Variants in PTPRE observed in about 807,000 individuals in gnomAD.
PTPRE encodes protein tyrosine phosphatase receptor type E.
PTPRE carries 51 observed loss-of-function variants against 102.0 expected under a neutral mutation model. The ratio of observed to expected loss-of-function variants is 0.50; its 90% CI spans 0.40 to 0.63. The LOEUF (loss-of-function observed/expected upper bound fraction) is 0.63. PTPRE is among the 30% of genes least tolerant of loss of function. The pLI, the probability that PTPRE is intolerant of heterozygous loss-of-function variation, is 0.00. For synonymous variants in PTPRE, 345 were observed against 348.2 expected (o/e 0.99, Z 0.10); for missense variants, 752 against 915.1 (o/e 0.82, Z 2.30).
At chr10:128,081,708 C>T (rs868491773) in intron 20 of PTPRE, among the ~76,000 whole-genome samples, 1 of 152,200 alleles carries the variant, frequency 6.6e-6, no homozygotes, top group African/African-American at 2.4e-5. Context: ...TGATCAGCTG[C>T]GTGTCTTAGT....
intron 17 of PTPRE, among the ~76,000 whole-genome samples, chr10:128,075,661 A>G (rs1389136772): frequency 1.3e-5 from 2 of 152,242 alleles, no homozygotes; most frequent in Non-Finnish European, 1.5e-5. Flanking sequence ...AAGAGATATC[A>G]TTCATCTACA....
chr10:128,058,658 C>G (rs1343745509), intron 7 of PTPRE, among the ~76,000 whole-genome samples: 1 of 152,176 alleles, frequency 6.6e-6, no homozygotes, highest in Non-Finnish European at 1.5e-5. Flanking sequence ...AGGGCTGCTC[C>G]ACCCGCCCCC....
chr10:128,070,312 G>T lies in PTPRE; in HGVS notation c.1155G>T (p.Thr385=). Residue 385 remains threonine, a synonymous_variant, in exon 14 of 21, where the codon ACG becomes ACT. Coordinates refer to ENST00000254667, the MANE Select transcript of PTPRE (RefSeq NM_006504.6). The surrounding 1 kb of genome is among the most constrained non-coding windows in gnomAD (Gnocchi z 4.8). ...PQMVQTDMQY[T]FIYQALLEYY... ...TGGCCTCTCTGCAGATGCAGTACAC[G>T]TTCATCTACCAAGCCTTACTCGAGT... The T allele has an allele frequency of 6.2e-7, 1 of 1,611,434 alleles. No individual in the cohort carries two copies. Among genetic ancestry groups the T allele is most frequent in the Non-Finnish European group, 8.5e-7 (1 of 1,178,800 alleles).
intron 1 of PTPRE, among the ~76,000 whole-genome samples, chr10:127,975,588 A>T (rs1851089694): frequency 6.6e-6 from 1 of 152,150 alleles, no homozygotes; most frequent in South Asian, 2.1e-4. Flanking sequence ...GGTGAAAGGC[A>T]GGTGTGTTTC....
intron 1 of PTPRE, among the ~76,000 whole-genome samples, chr10:127,967,046 A>T (rs1243874672): frequency 6.6e-6 from 1 of 152,238 alleles, no homozygotes; most frequent in Non-Finnish European, 1.5e-5. Context: ...GGGCAAAGTC[A>T]GGCCAACCGT....
chr10:127,957,262 C>T (rs1231190954), intron 1 of PTPRE, among the ~76,000 whole-genome samples: 3 of 152,070 alleles, frequency 2.0e-5, no homozygotes, highest in Non-Finnish European at 4.4e-5. Context: ...GGGTATAAAG[C>T]CTGTGTGTAG....
At chr10:128,052,314 T>C (rs1430911335) in intron 6 of PTPRE, among the ~76,000 whole-genome samples, 1 of 152,212 alleles carries the variant, frequency 6.6e-6, no homozygotes, top group African/African-American at 2.4e-5. Context: ...AGTTGAGTTT[T>C]GACATGTGTG....
chr10:128,040,890 C>T lies in PTPRE; in HGVS notation c.9C>T (p.Pro3=). The change falls in exon 3 of 21, where the codon CCC becomes CCT. Residue 3 remains proline (P), a synonymous_variant. Coordinates refer to ENST00000254667, the MANE Select transcript of PTPRE (RefSeq NM_006504.6). Reference sequence around the variant, plus strand: ...CTCTCTGCAGGTCCACCATGGAGCCCTTGTGTCCACTCCTGCTGGTGGGTT... The same window carrying T: ...CTCTCTGCAGGTCCACCATGGAGCCTTTGTGTCCACTCCTGCTGGTGGGTT... ME[P]LCPLLLVGFS... 6.2e-7 allele frequency: 1 copy of T among 1,613,988 alleles called. No homozygotes were observed. Among genetic ancestry groups the T allele is most frequent in the Non-Finnish European group, 8.5e-7 (1 of 1,179,948 alleles).
intron 1 of PTPRE, among the ~76,000 whole-genome samples, chr10:127,924,381 G>A (rs1006956108): frequency 2.0e-5 from 3 of 152,016 alleles, no homozygotes; most frequent in Admixed American, 6.6e-5. Context: ...GCCCACCACC[G>A]TGCCTGGCTA....
At chr10:127,979,580 G>A (rs958837433) in intron 1 of PTPRE, among the ~76,000 whole-genome samples, 3 of 152,220 alleles carry the variant, frequency 2.0e-5, no homozygotes, top group Non-Finnish European at 4.4e-5. Flanking sequence ...GGGAGGCTGA[G>A]GCAAGAGGAC....
intron 1 of PTPRE, among the ~76,000 whole-genome samples, chr10:127,927,518 C>T (rs1847118616): frequency 6.6e-6 from 1 of 152,168 alleles, no homozygotes; most frequent in Admixed American, 6.5e-5. Context: ...CTAAGTTGTT[C>T]AGGGCCATGT....
At chr10:128,016,446 C>T (rs1778507661) in intron 2 of PTPRE, among the ~76,000 whole-genome samples, 1 of 150,844 alleles carries the variant, frequency 6.6e-6, no homozygotes, top group African/African-American at 2.4e-5. Flanking sequence ...AAAAGCATGT[C>T]TATTTTTTTA....
intron 2 of PTPRE, among the ~76,000 whole-genome samples, chr10:127,994,458 G>A (rs1853044950): frequency 1.3e-5 from 2 of 152,200 alleles, no homozygotes; most frequent in South Asian, 2.1e-4. Context: ...CCGCAAGAAC[G>A]CAGGCCCCAT....
In PTPRE at chr10:128,070,515, G is replaced by A; in HGVS notation, c.1293+65G>A. ...AGCCAAGGGCACGAGGAAAACAGGTGACCATTTAAAGGAAGCCTCTTTCAA... is the reference window on the plus strand; with the variant it reads ...AGCCAAGGGCACGAGGAAAACAGGTAACCATTTAAAGGAAGCCTCTTTCAA... On this transcript the variant is annotated intron_variant, in intron 14 of 20. Transcript: ENST00000254667. The surrounding 1 kb of genome is among the most constrained non-coding windows in gnomAD (Gnocchi z 4.8). 1 of 1,558,816 alleles carries A rather than the reference G, an allele frequency of 6.4e-7. No individual in the cohort carries two copies. The highest frequency in any genetic ancestry group is 8.7e-7 in the Non-Finnish European group (1 of 1,152,306).
At chr10:128,041,659 A>G in intron 3 of PTPRE, among the ~76,000 whole-genome samples, 1 of 151,798 alleles carries the variant, frequency 6.6e-6, no homozygotes, top group East Asian at 1.9e-4. Flanking sequence ...AAAAAAAAAA[A>G]AAAAAAAAAA....
At chr10:128,007,443 G>A (rs1258537773) in intron 2 of PTPRE, among the ~76,000 whole-genome samples, 1 of 152,178 alleles carries the variant, frequency 6.6e-6, no homozygotes, top group South Asian at 2.1e-4. Context: ...ATTTGGGTAG[G>A]GGGAGGAGTT....
At chr10:127,939,891 T>C (rs971686397) in intron 1 of PTPRE, among the ~76,000 whole-genome samples, 1 of 123,662 alleles carries the variant, frequency 8.1e-6, no homozygotes, top group African/African-American at 3.2e-5. Flanking sequence ...AGGAAGCAGG[T>C]GAGGGCAGAT....
intron 6 of PTPRE, among the ~76,000 whole-genome samples, chr10:128,055,714 G>A (rs771269897): frequency 6.6e-6 from 1 of 152,076 alleles, no homozygotes; most frequent in Non-Finnish European, 1.5e-5. Context: ...TAAACCCTCC[G>A]CATGCCTGTC....
intron 1 of PTPRE, among the ~76,000 whole-genome samples, chr10:127,918,801 G>A (rs765388896): frequency 1.3e-5 from 2 of 152,150 alleles, no homozygotes; most frequent in African/African-American, 2.4e-5. Context: ...GAAGAGCCAC[G>A]GCTGTTGAGC....
Sources: gnomAD v4.1 joint callset for allele counts (sites outside exome capture counted in the v4.1 genomes callset) on GRCh38, gnomAD v4.1.1 for gene constraint, Gnocchi (gnomAD v3.1) non-coding constraint, MANE v1.5 for transcripts, NCBI Gene and HGNC (gene_info 2026-07-23, HGNC 2026-07-21) for gene names.